Variants in NCOA1 observed in about 807,000 individuals in gnomAD.
The protein encoded by NCOA1 is Hin-2 protein.
Under a neutral mutation model 150.9 loss-of-function variants are expected in NCOA1, and 35 were observed. The ratio of observed to expected loss-of-function variants is 0.23; its 90% confidence interval spans 0.18 to 0.31. The LOEUF (loss-of-function observed/expected upper bound fraction) is 0.31. Among genes scored for constraint, NCOA1 ranks in the 10% least tolerant of loss-of-function variants. NCOA1 has a pLI of 1.00. For missense variants in NCOA1, 1,491 were observed against 1,749.3 expected, an observed-to-expected ratio of 0.85 and a Z score of 2.63; for synonymous variants, 590 against 630.0, an observed-to-expected ratio of 0.94 and a Z score of 0.95.
intron 19 of NCOA1, among the ~76,000 whole-genome samples, chr2:24,748,910 TA>T (rs1664076502): frequency 6.6e-6 from 1 of 152,188 alleles, no homozygotes. Context: ...CAGGATTTTA[TA>T]AAGATGTAAA....
At chr2:24,497,177 A>G (rs1015936892) in intron 1 of NCOA1, among the ~76,000 whole-genome samples, 6 of 152,128 alleles carry the variant, frequency 3.9e-5, no homozygotes, top group East Asian at 1.9e-4. Flanking sequence ...TTTGAGTTCA[A>G]GCCTACTGAG....
chr2:24,765,895 A>ATTTTTTTTT (rs1665035659), intron 22 of NCOA1, among the ~76,000 whole-genome samples: 1 of 129,310 alleles, frequency 7.7e-6, no homozygotes, highest in Non-Finnish European at 1.7e-5. Context: ...TCAATAATAC[A>ATTTTTTTTT]CTTTTTTTTT....
At chr2:24,578,268 A>G (rs922064629) in intron 2 of NCOA1, among the ~76,000 whole-genome samples, 3 of 152,148 alleles carry the variant, frequency 2.0e-5, no homozygotes, top group African/African-American at 4.8e-5. Context: ...CAGTTAGGAA[A>G]GTTCATGTAG....
intron 1 of NCOA1, among the ~76,000 whole-genome samples, chr2:24,532,822 A>G (rs1261575581): frequency 1.3e-5 from 2 of 152,126 alleles, no homozygotes; most frequent in East Asian, 3.8e-4. Context: ...ATATCTGTTT[A>G]GGTACCATTA....
chr2:24,582,688 A>G (rs56029941), intron 2 of NCOA1, among the ~76,000 whole-genome samples: 33 of 152,334 alleles, frequency 2.2e-4, no homozygotes, highest in African/African-American at 7.9e-4. Context: ...GAGGCATCAC[A>G]TTATCTGACT....
chr2:24,761,115 T>G (rs1210147772), intron 21 of NCOA1, among the ~76,000 whole-genome samples: 1 of 152,240 alleles, frequency 6.6e-6, no homozygotes, highest in Admixed American at 6.5e-5. Context: ...CCCAAAGTGC[T>G]GGGATTATAG....
chr2:24,704,765 T>A (rs1285035903), intron 11 of NCOA1, among the ~76,000 whole-genome samples: 1 of 151,234 alleles, frequency 6.6e-6, no homozygotes, highest in East Asian at 1.9e-4. Flanking sequence ...AGAGTGAGAC[T>A]CTGTCTCAAA....
chr2:24,694,436 T>C (rs1672807793), intron 10 of NCOA1, among the ~76,000 whole-genome samples: 1 of 152,216 alleles, frequency 6.6e-6, no homozygotes. Flanking sequence ...AGTTTAGTTT[T>C]AGTGTACATT....
chr2:24,634,204 A>G (rs187736952), intron 3 of NCOA1, among the ~76,000 whole-genome samples: 2 of 152,340 alleles, frequency 1.3e-5, no homozygotes, highest in East Asian at 3.9e-4. Flanking sequence ...GGTTACCTCT[A>G]TCAAGGGGAG....
chr2:24,744,804 G>A (rs2148667172), intron 19 of NCOA1, among the ~76,000 whole-genome samples: 1 of 152,320 alleles, frequency 6.6e-6, no homozygotes, highest in Middle Eastern at 3.4e-3. Context: ...ACTGCTTTAT[G>A]TATTATCTAT....
chr2:24,524,618 A>T (rs546655252), intron 1 of NCOA1, among the ~76,000 whole-genome samples: 5 of 151,402 alleles, frequency 3.3e-5, no homozygotes, highest in South Asian at 4.2e-4. Flanking sequence ...GTATATATAT[A>T]TTTTTTGAGA....
chr2:24,751,361 T>C, intron 19 of NCOA1, among the ~76,000 whole-genome samples: 1 of 150,086 alleles, frequency 6.7e-6, no homozygotes, highest in Non-Finnish European at 1.5e-5. Context: ...GGCGGGTGGA[T>C]CACCTGAGGT....
In NCOA1 at chr2:24,524,569, A is replaced by G. The variant is rs138633259; in HGVS notation, c.-396+32967A>G. ...CTCGGCCTCCCAAAATGCTAAGATT[A>G]TGTGAGCCACTGTGCCTGGCCTCCC... On this transcript the variant is annotated intron_variant, in intron 1 of 22. Transcript: ENST00000348332. Among the ~76,000 whole-genome samples, 201 of 152,164 alleles carry G rather than the reference A, an allele frequency of 1.3e-3. 1 individual carries two copies. The highest frequency in any genetic ancestry group is 4.5e-3 in the African/African-American group (186 of 41,508).
At chr2:24,681,684 C>T (rs142363647) in intron 7 of NCOA1, among the ~76,000 whole-genome samples, 143 of 150,270 alleles carry the variant, frequency 9.5e-4, no homozygotes, top group African/African-American at 3.3e-3. Flanking sequence ...AGAGTATCTG[C>T]TAGACAGCAA....
At chr2:24,559,878 G>A (rs1405879200) in intron 1 of NCOA1, among the ~76,000 whole-genome samples, 1 of 152,156 alleles carries the variant, frequency 6.6e-6, no homozygotes, top group African/African-American at 2.4e-5. Context: ...AGAGGCAGAG[G>A]CATTTTGCTT....
chr2:24,525,080 A>C (rs907325377), intron 1 of NCOA1, among the ~76,000 whole-genome samples: 11 of 152,200 alleles, frequency 7.2e-5, no homozygotes, highest in African/African-American at 2.7e-4. Context: ...AGGGGAGAGG[A>C]GCTTGTGCAC....
chr2:24,664,562 G>A (rs533749370), intron 5 of NCOA1, among the ~76,000 whole-genome samples: 77 of 152,190 alleles, frequency 5.1e-4, no homozygotes, highest in African/African-American at 1.8e-3. Context: ...ACAAAAATTA[G>A]CCAGGCATGG....
intron 1 of NCOA1, among the ~76,000 whole-genome samples, chr2:24,538,009 G>A (rs1665238645): frequency 6.6e-6 from 1 of 152,132 alleles, no homozygotes; most frequent in Non-Finnish European, 1.5e-5. Flanking sequence ...ACTTATGGAA[G>A]TTAAGAAATT....
At chr2:24,651,534 A>T (rs1372112944) in intron 4 of NCOA1, among the ~76,000 whole-genome samples, 1 of 152,040 alleles carries the variant, frequency 6.6e-6, no homozygotes. Context: ...AGAATAAAAC[A>T]TTGCCATAGT....
Sources: gnomAD v4.1 joint callset for allele counts (sites outside exome capture counted in the v4.1 genomes callset) on GRCh38, gnomAD v4.1.1 for gene constraint, MANE v1.5 for transcripts, NCBI Gene and HGNC (gene_info 2026-07-23, HGNC 2026-07-21) for gene names.